CHCHD3: variants seen among roughly 807,000 people sequenced by gnomAD.
CHCHD3 encodes MICOS complex subunit MIC19.
A neutral mutation model predicts 38.2 loss-of-function variants in CHCHD3; 20 were observed. That is an observed-to-expected ratio of 0.52 (90% confidence interval 0.37 to 0.76). The LOEUF (loss-of-function observed/expected upper bound fraction) is 0.76, where lower values mean the gene tolerates loss of function less well. Ranked by LOEUF, CHCHD3 falls within the 30% of genes least tolerant of loss-of-function variation. The pLI is 0.00. For synonymous variants in CHCHD3, 82 were observed against 100.0 expected (o/e 0.82, Z 1.07); for missense variants, 245 against 279.2 (o/e 0.88, Z 0.87).
chr7:133,081,136 G>A (rs978832223), intron 1 of CHCHD3, among the ~76,000 whole-genome samples: 2 of 152,106 alleles, frequency 1.3e-5, no homozygotes, highest in Non-Finnish European at 2.9e-5. Flanking sequence ...GGTCAGAAAT[G>A]ACTACATTAC....
intron 4 of CHCHD3, among the ~76,000 whole-genome samples, chr7:132,966,311 C>CTA (rs1562923910): frequency 6.6e-6 from 1 of 152,150 alleles, no homozygotes; most frequent in Admixed American, 6.5e-5. Context: ...TGTCCAATGT[C>CTA]TTTATGGGTA....
chr7:133,002,321 G>A (rs1441706088), intron 3 of CHCHD3, among the ~76,000 whole-genome samples: 3 of 152,108 alleles, frequency 2.0e-5, no homozygotes, highest in African/African-American at 7.2e-5. Context: ...CCTAACTGAA[G>A]AAAGTGAAGC....
At chr7:133,066,225 T>C (rs1226262483) in intron 2 of CHCHD3, among the ~76,000 whole-genome samples, 12 of 152,002 alleles carry the variant, frequency 7.9e-5, no homozygotes, top group African/African-American at 2.9e-4. Flanking sequence ...AGTGTAGTTC[T>C]AGCCTGACCA....
At chr7:133,038,019 C>T (rs1046380553) in intron 2 of CHCHD3, among the ~76,000 whole-genome samples, 1 of 152,102 alleles carries the variant, frequency 6.6e-6, no homozygotes, top group Non-Finnish European at 1.5e-5. Flanking sequence ...TTAAAAAACA[C>T]CTTTATCAAT....
chr7:132,846,910 T>C (rs748646346), intron 5 of CHCHD3, among the ~76,000 whole-genome samples: 7 of 152,168 alleles, frequency 4.6e-5, no homozygotes, highest in Non-Finnish European at 1.0e-4. Context: ...ACTACAATAA[T>C]AGTACAGTAA....
intron 3 of CHCHD3, among the ~76,000 whole-genome samples, chr7:133,017,645 T>C (rs1453722041): frequency 6.6e-6 from 1 of 152,220 alleles, no homozygotes; most frequent in Non-Finnish European, 1.5e-5. Context: ...GCTGCTATTA[T>C]AACCAGTAAA....
intron 5 of CHCHD3, among the ~76,000 whole-genome samples, chr7:132,859,779 T>C (rs4728269): frequency 0.23 from 35,061 of 152,008 alleles, 4,228 homozygotes; most frequent in South Asian, 0.26. Flanking sequence ...CTCAGGGCTG[T>C]TCAAGGTCCA....
chr7:133,014,590 C>A (rs1038728703), intron 3 of CHCHD3, among the ~76,000 whole-genome samples: 1 of 151,182 alleles, frequency 6.6e-6, no homozygotes, highest in African/African-American at 2.4e-5. Flanking sequence ...TAAATACTAA[C>A]AACAGACACT....
chr7:133,029,650 G>A (rs1260941000), intron 2 of CHCHD3, among the ~76,000 whole-genome samples: 1 of 152,172 alleles, frequency 6.6e-6, no homozygotes, highest in East Asian at 1.9e-4. Context: ...CCAGCTGGGT[G>A]GATAGGCACG....
intron 4 of CHCHD3, among the ~76,000 whole-genome samples, chr7:132,925,468 G>A (rs1585643432): frequency 2.0e-5 from 3 of 152,262 alleles, no homozygotes; most frequent in Non-Finnish European, 4.4e-5. Flanking sequence ...TTGTCCAGGT[G>A]CCAACTTTAA....
chr7:132,787,843 G>A (rs938959466), intron 7 of CHCHD3, among the ~76,000 whole-genome samples: 1 of 152,152 alleles, frequency 6.6e-6, no homozygotes, highest in Non-Finnish European at 1.5e-5. Flanking sequence ...ACACACAGTG[G>A]TGAGAAAAAC....
chr7:132,937,987 T>A (rs1284265008), intron 4 of CHCHD3, among the ~76,000 whole-genome samples: 1 of 152,200 alleles, frequency 6.6e-6, no homozygotes, highest in Non-Finnish European at 1.5e-5. Context: ...AATTAATTCA[T>A]TAAAAACCTG....
intron 3 of CHCHD3, among the ~76,000 whole-genome samples, chr7:132,997,377 T>C (rs1812447407): frequency 1.3e-5 from 2 of 152,118 alleles, no homozygotes; most frequent in African/African-American, 2.4e-5. Flanking sequence ...GTGTCAATGA[T>C]AGCTCAAGTA....
At chr7:132,898,945 C>A (rs1333708860) in intron 4 of CHCHD3, among the ~76,000 whole-genome samples, 2 of 152,206 alleles carry the variant, frequency 1.3e-5, no homozygotes, top group East Asian at 3.9e-4. Flanking sequence ...TCCAGCTGGC[C>A]TGCAAGCGCC....
At chr7:132,827,253 C>A (rs1807530476) in intron 6 of CHCHD3, among the ~76,000 whole-genome samples, 1 of 152,042 alleles carries the variant, frequency 6.6e-6, no homozygotes. Context: ...ATTTGAAATG[C>A]TTGGGAATGG....
intron 6 of CHCHD3, among the ~76,000 whole-genome samples, chr7:132,827,699 C>T (rs1162522084): frequency 6.6e-6 from 1 of 152,186 alleles, no homozygotes; most frequent in African/African-American, 2.4e-5. Context: ...GGGTCCCTTT[C>T]CAATCAAATC....
chr7:132,832,793 A>C (rs1214222421), intron 6 of CHCHD3, among the ~76,000 whole-genome samples: 2 of 152,152 alleles, frequency 1.3e-5, no homozygotes, highest in African/African-American at 4.8e-5. Flanking sequence ...CAGAGATCTG[A>C]TTCTGACATT....
chr7:132,926,594 C>T (rs1398185615), intron 4 of CHCHD3, among the ~76,000 whole-genome samples: 1 of 152,058 alleles, frequency 6.6e-6, no homozygotes, highest in African/African-American at 2.4e-5. Flanking sequence ...GTAAGCTGCA[C>T]TTTTGATATA....
chr7:132,872,186 T>C (rs1448714021), intron 5 of CHCHD3, among the ~76,000 whole-genome samples: 1 of 152,166 alleles, frequency 6.6e-6, no homozygotes, highest in Non-Finnish European at 1.5e-5. Flanking sequence ...AGTTCTAGGA[T>C]AGGAGAAACA....
Sources: gnomAD v4.1 joint callset for allele counts (sites outside exome capture counted in the v4.1 genomes callset) on GRCh38, gnomAD v4.1.1 for gene constraint, MANE v1.5 for transcripts, NCBI Gene and HGNC (gene_info 2026-07-23, HGNC 2026-07-21) for gene names.